ZNF266: variants seen among roughly 807,000 people sequenced by gnomAD.
ZNF266 encodes zinc finger protein 266, also known as zinc finger protein 1.
ZNF266 carries 16 observed loss-of-function variants against 16.4 expected under a neutral mutation model. The ratio of observed to expected loss-of-function variants is 0.98; its 90% CI spans 0.66 to 1.48. ZNF266 has a LOEUF of 1.48. ZNF266 is among the 40% of genes most tolerant of loss of function. The pLI is 0.00. For missense variants in ZNF266, 738 were observed against 689.1 expected, an observed-to-expected ratio of 1.07 and a Z score of -0.79; for synonymous variants, 262 against 237.9, an observed-to-expected ratio of 1.10 and a Z score of -0.93.
intron 10 of ZNF266, 23 bp downstream of exon 10, chr19:9,415,631 A>C (rs779057002): frequency 1.7e-5 from 27 of 1,575,876 alleles, no homozygotes; most frequent in Non-Finnish European, 2.4e-5. Context: ...GTGAAAACTA[A>C]GACGTATCCT....
At chr19:9,428,624 G>A (rs12461912) in intron 5 of ZNF266, among the ~76,000 whole-genome samples, 92,494 of 151,702 alleles carry the variant, frequency 0.61, 28,803 homozygotes, top group African/African-American at 0.73. Flanking sequence ...CTGTCTTAGC[G>A]CTGGATGCCC....
intron 5 of ZNF266, among the ~76,000 whole-genome samples, chr19:9,424,620 C>T (rs374938207): frequency 2.6e-4 from 39 of 152,272 alleles, no homozygotes; most frequent in African/African-American, 9.4e-4. Context: ...GCTTGTTATA[C>T]GTATGTGTGT....
intron 10 of ZNF266, among the ~76,000 whole-genome samples, chr19:9,415,336 C>A (rs544286349): frequency 1.3e-5 from 2 of 152,292 alleles, no homozygotes; most frequent in African/African-American, 2.4e-5. Flanking sequence ...TTTCAAGCAT[C>A]CCCAGGTCAT....
chr19:9,432,417 T>A (rs1297652336), intron 5 of ZNF266, among the ~76,000 whole-genome samples: 1 of 152,120 alleles, frequency 6.6e-6, no homozygotes, highest in Non-Finnish European at 1.5e-5. Flanking sequence ...TATATCAGAA[T>A]CCCCATCAAT....
At chr19:9,416,264 T>C (rs1236141958) in intron 9 of ZNF266, among the ~76,000 whole-genome samples, 1 of 151,888 alleles carries the variant, frequency 6.6e-6, no homozygotes, top group Non-Finnish European at 1.5e-5. Context: ...TCTATGAAAA[T>C]TATAAACTGA....
At chr19:9,427,063 C>A (rs2070856118) in intron 5 of ZNF266, among the ~76,000 whole-genome samples, 1 of 152,142 alleles carries the variant, frequency 6.6e-6, no homozygotes, top group Non-Finnish European at 1.5e-5. Context: ...AACAGGGCCT[C>A]AAGGATGAAA....
In ZNF266 at chr19:9,415,634, C is replaced by A; in HGVS notation, c.405+20G>T. The A allele has an allele frequency of 3.2e-6, 5 of 1,578,810 alleles. No individual in the cohort carries two copies. Among genetic ancestry groups the A allele is most frequent in the Non-Finnish European group, 4.3e-6 (5 of 1,149,840 alleles). On this transcript the variant is annotated intron_variant, in intron 10 of 10. Coordinates refer to ENST00000592904, the MANE Select transcript of ZNF266 (RefSeq NM_001370374.1). The stretch of plus-strand genomic sequence containing the variant: ...TCATCTCTAAATGTGAAAACTAAGA[C>A]GTATCCTTGTTAATCTTACCATTTG...
intron 5 of ZNF266, among the ~76,000 whole-genome samples, chr19:9,421,819 T>G (rs2069933592): frequency 2.0e-5 from 3 of 152,058 alleles, no homozygotes; most frequent in Non-Finnish European, 4.4e-5. Flanking sequence ...ATACACACAT[T>G]GAACTTTCCT....
At chr19:9,417,037 G>A (rs575223087) in intron 9 of ZNF266, among the ~76,000 whole-genome samples, 23 of 152,066 alleles carry the variant, frequency 1.5e-4, no homozygotes, top group South Asian at 6.2e-4. Flanking sequence ...TAGACAAAGC[G>A]TAAAAGTATG....
chr19:9,428,030 T>C (rs2071024621), intron 5 of ZNF266, among the ~76,000 whole-genome samples: 2 of 152,170 alleles, frequency 1.3e-5, no homozygotes, highest in South Asian at 4.1e-4. Context: ...TGCTAGAGAC[T>C]GGCAACTTTT....
intron 8 of ZNF266, 39 bp downstream of exon 8, chr19:9,418,466 T>G (rs377347112): frequency 6.2e-7 from 1 of 1,609,708 alleles, no homozygotes; most frequent in African/African-American, 1.3e-5. Context: ...TAACATAATC[T>G]GTTCCATAGT....
intron 10 of ZNF266, among the ~76,000 whole-genome samples, chr19:9,415,158 G>A (rs1335065520): frequency 2.0e-5 from 3 of 152,202 alleles, no homozygotes; most frequent in Non-Finnish European, 2.9e-5. Flanking sequence ...AGCCGGGCAT[G>A]GTGGCACGTG....
rs752906412 is a variant in ZNF266 at position 9,413,402 on chromosome 19, T to C, written c.1724A>G (p.Gln575Arg). ...TCCAGTGTGAGTTCGTTCATGTAAC[T>C]GAAACGAATTGGAGTAACTGAAGGA... is the stretch of plus-strand genomic sequence containing the variant. ...GKSFSYSNSF[Q>R]LHERTHTGEK... Residue 575 changes from glutamine to arginine, a missense_variant, in exon 11 of 11, where the codon CAG becomes CGG. Physicochemically the swap from Gln to Arg is conservative, Grantham distance 43. Transcript: ENST00000592904. The C allele has an allele frequency of 3.5e-5, 56 of 1,611,962 alleles. No homozygotes were observed. Among genetic ancestry groups the C allele is most frequent in the Admixed American group, 1.5e-4 (9 of 59,674 alleles).
intron 5 of ZNF266, among the ~76,000 whole-genome samples, chr19:9,421,864 T>C (rs952723292): frequency 1.3e-5 from 2 of 151,762 alleles, no homozygotes; most frequent in South Asian, 2.1e-4. Context: ...TTTTTTTTTT[T>C]CTTTTGAGAC....
intron 5 of ZNF266, among the ~76,000 whole-genome samples, chr19:9,427,758 C>T (rs1270135803): frequency 2.6e-5 from 4 of 152,080 alleles, no homozygotes; most frequent in Admixed American, 6.6e-5. Context: ...TCTTTGCAAA[C>T]GAGATCTTAA....
chr19:9,425,666 C>T (rs2070635613), intron 5 of ZNF266, among the ~76,000 whole-genome samples: 1 of 152,188 alleles, frequency 6.6e-6, no homozygotes, highest in Non-Finnish European at 1.5e-5. Context: ...TGCTGCTGTG[C>T]ATTGCTGCCT....
At chr19:9,423,215 A>G (rs1195669672) in intron 5 of ZNF266, among the ~76,000 whole-genome samples, 6 of 149,824 alleles carry the variant, frequency 4.0e-5, no homozygotes, top group African/African-American at 1.5e-4. Flanking sequence ...GCAGAAATCA[A>G]CACTGAGCAT....
intron 8 of ZNF266, 80 bp from the exon 9 acceptor site, chr19:9,417,988 T>C: frequency 1.5e-6 from 2 of 1,359,820 alleles, no homozygotes; most frequent in Non-Finnish European, 2.1e-6. Context: ...GGAGATATAG[T>C]TCCAATGGAA....
intron 5 of ZNF266, among the ~76,000 whole-genome samples, chr19:9,427,036 G>A (rs1044694651): frequency 6.6e-6 from 1 of 152,072 alleles, no homozygotes; most frequent in Non-Finnish European, 1.5e-5. Context: ...TATTTCACAT[G>A]GCCCAATGTA....
Sources: allele counts gnomAD v4.1 joint callset (sites outside exome capture counted in the v4.1 genomes callset), GRCh38; gene constraint gnomAD v4.1.1; transcripts MANE v1.5; gene names NCBI Gene and HGNC (gene_info 2026-07-23, HGNC 2026-07-21).